Variants in GLIS3 observed in about 807,000 individuals in gnomAD.
GLIS3 encodes the protein GLIS family zinc finger 3, also known as zinc finger protein GLIS3.
In GLIS3, 53 loss-of-function variants were observed where a neutral mutation model predicts 78.6. The observed-to-expected ratio is 0.67, with a 90% CI of 0.54 to 0.85. The LOEUF is 0.85. Ranked by LOEUF, GLIS3 falls within the 40% of genes least tolerant of loss-of-function variation. GLIS3 has a pLI of 0.00. For synonymous variants in GLIS3, 684 were observed against 509.9 expected (o/e 1.34, Z -4.60); for missense variants, 1,703 against 1,231.1 (o/e 1.38, Z -5.74).
intron 4 of GLIS3, among the ~76,000 whole-genome samples, chr9:3,965,674 G>A (rs556335137): frequency 1.2e-3 from 190 of 152,276 alleles, no homozygotes; most frequent in African/African-American, 4.2e-3. Context: ...AGTGGAAGGC[G>A]CTGCTTCCAA....
intron 4 of GLIS3, among the ~76,000 whole-genome samples, chr9:3,952,313 A>T (rs559013254): frequency 2.6e-5 from 4 of 151,418 alleles, no homozygotes; most frequent in Non-Finnish European, 5.9e-5. Flanking sequence ...CCACCTCTCT[A>T]CTCTTCCGCT....
chr9:3,873,291 A>G (rs1467583334), intron 8 of GLIS3, among the ~76,000 whole-genome samples: 1 of 152,244 alleles, frequency 6.6e-6, no homozygotes. Flanking sequence ...AACAAACAAC[A>G]AAAATAAAAC....
chr9:3,920,510 C>A (rs1479868311), intron 6 of GLIS3, among the ~76,000 whole-genome samples: 1 of 151,350 alleles, frequency 6.6e-6, no homozygotes, highest in Non-Finnish European at 1.5e-5. Flanking sequence ...TTCCTCAGTT[C>A]ATTTATGCTA....
Position 4,286,449 on chromosome 9 carries a change from G to A in GLIS3, c.-24C>T, listed in dbSNP as rs186593545. 15 of 1,612,722 alleles carry A rather than the reference G, an allele frequency of 9.3e-6. No individual in the cohort carries two copies. The Admixed American group carries it at 1.2e-4, about 13-fold the overall frequency. On this transcript the variant is annotated 5_prime_UTR_variant, in exon 2 of 11. Coordinates refer to ENST00000381971, the MANE Select transcript of GLIS3 (RefSeq NM_001042413.2). Reference sequence around the variant, plus strand: ...ATTCTGAAAAACCTGTGGCCAAGACGGTCAAATATCCAATGTCACTAATGA... The same window carrying A: ...ATTCTGAAAAACCTGTGGCCAAGACAGTCAAATATCCAATGTCACTAATGA...
chr9:4,236,704 C>G (rs1429276747), intron 2 of GLIS3, among the ~76,000 whole-genome samples: 1 of 152,074 alleles, frequency 6.6e-6, no homozygotes, highest in Non-Finnish European at 1.5e-5. Context: ...ATTATTGAGC[C>G]CCCACTATGT....
chr9:4,063,662 G>C (rs760086388), intron 4 of GLIS3, among the ~76,000 whole-genome samples: 1 of 151,946 alleles, frequency 6.6e-6, no homozygotes, highest in Non-Finnish European at 1.5e-5. Flanking sequence ...TGTATAAAAG[G>C]TCCTAAATAA....
Position 4,288,415 on chromosome 9 carries a change from T to G in GLIS3, c.-98-1892A>C, listed in dbSNP as rs572153136. ...CAACATGACTGGAAATATGAGTCACTAAGACCATGGTCCAAGTGACAAGTG... is the reference window on the plus strand; with the variant it reads ...CAACATGACTGGAAATATGAGTCACGAAGACCATGGTCCAAGTGACAAGTG... On this transcript the variant is annotated intron_variant, in intron 1 of 10. Transcript: ENST00000381971. Among the ~76,000 whole-genome samples the G allele has an allele frequency of 6.6e-5, 10 of 152,334 alleles. No homozygotes were observed. In the East Asian group the frequency reaches 1.9e-3, roughly 29 times the overall value.
Position 4,286,185 on chromosome 9 carries a change from G to A in GLIS3, c.241C>T (p.Leu81=). ...QNNVAESRIH[L]PALSPRRQML... ...TGTCTCCTGGGGCTTAAGGCAGGCA[G>A]ATGGATGCGGCTCTCAGCCACGTTG... Residue 81 remains leucine (L), a synonymous_variant, in exon 2 of 11, where the codon CTG becomes TTG. Transcript: ENST00000381971. 2.5e-6 allele frequency: 4 copies of A among 1,614,238 alleles called. No homozygotes were observed. The highest frequency in any genetic ancestry group is 3.4e-6 in the Non-Finnish European group (4 of 1,180,032).
chr9:4,455,222 T>C, the GLIS3 span, among the ~76,000 whole-genome samples: 56 of 152,372 alleles, frequency 3.7e-4, no homozygotes, highest in African/African-American at 1.3e-3. Flanking sequence ...TGACTTTGGA[T>C]TGATTTATAT....
At chr9:4,168,821 C>G (rs933382857) in intron 2 of GLIS3, among the ~76,000 whole-genome samples, 4 of 152,112 alleles carry the variant, frequency 2.6e-5, no homozygotes, top group African/African-American at 9.7e-5. Context: ...ACAGACTCCA[C>G]AAAAATAGAC....
chr9:4,325,409 G>A (rs1172812847), intron 2 of GLIS3, among the ~76,000 whole-genome samples: 1 of 152,152 alleles, frequency 6.6e-6, no homozygotes, highest in Admixed American at 6.5e-5. Context: ...AAAGGTTTAA[G>A]GAACAACATA....
intron 4 of GLIS3, among the ~76,000 whole-genome samples, chr9:4,006,526 G>A (rs1821566248): frequency 6.6e-6 from 1 of 152,092 alleles, no homozygotes; most frequent in African/African-American, 2.4e-5. Flanking sequence ...GCTGGTGAGG[G>A]GTGCAGGAAG....
the GLIS3 span, among the ~76,000 whole-genome samples, chr9:4,393,851 G>T: frequency 1.3e-5 from 2 of 152,122 alleles, no homozygotes; most frequent in African/African-American, 4.8e-5. Flanking sequence ...TGTTAAACAT[G>T]TAAGAAGGGC....
chr9:4,079,987 GGGT>G (rs1293638666), intron 4 of GLIS3, among the ~76,000 whole-genome samples: 5 of 152,296 alleles, frequency 3.3e-5, no homozygotes, highest in Middle Eastern at 6.8e-3. Context: ...TCCTCCTTAA[GGGT>G]GGAAAATATG....
At chr9:4,452,431 C>A in the GLIS3 span, among the ~76,000 whole-genome samples, 1 of 152,188 alleles carries the variant, frequency 6.6e-6, no homozygotes, top group Non-Finnish European at 1.5e-5. Flanking sequence ...ACCCCACTGT[C>A]TCAGCCCCAA....
chr9:4,278,180 GTTGTATTT>G (rs1434759643), intron 2 of GLIS3, among the ~76,000 whole-genome samples: 12 of 152,194 alleles, frequency 7.9e-5, no homozygotes, highest in African/African-American at 2.7e-4. Flanking sequence ...ACTCAGTAAT[GTTGTATTT>G]TAATTGGAAC....
At chr9:4,384,335 T>G in the GLIS3 span, among the ~76,000 whole-genome samples, 1 of 63,142 alleles carries the variant, frequency 1.6e-5, no homozygotes, top group African/African-American at 5.4e-5. Flanking sequence ...AGGACTCACC[T>G]TCACTGGAAA....
intron 4 of GLIS3, among the ~76,000 whole-genome samples, chr9:4,113,187 A>G (rs564737988): frequency 6.6e-6 from 1 of 152,172 alleles, no homozygotes; most frequent in African/African-American, 2.4e-5. Flanking sequence ...ATATATGCGT[A>G]TTTTAATTTT....
chr9:4,216,969 T>A (rs1293473603), intron 2 of GLIS3, among the ~76,000 whole-genome samples: 2 of 152,164 alleles, frequency 1.3e-5, no homozygotes, highest in African/African-American at 4.8e-5. Flanking sequence ...CAAGTGAACA[T>A]TCAAAGGAGA....
Sources: allele counts gnomAD v4.1 joint callset (sites outside exome capture counted in the v4.1 genomes callset), GRCh38; gene constraint gnomAD v4.1.1; transcripts MANE v1.5; gene names NCBI Gene and HGNC (gene_info 2026-07-23, HGNC 2026-07-21).